Variants in MYBPC2 observed in about 807,000 individuals in gnomAD.
The protein encoded by MYBPC2 is myosin binding protein C2.
In MYBPC2, 122 loss-of-function variants were observed where a neutral mutation model predicts 137.0. The observed-to-expected ratio is 0.89, with a 90% CI of 0.77 to 1.03. MYBPC2 has a LOEUF of 1.03. MYBPC2 is among the 50% of genes least tolerant of loss of function. MYBPC2 has a pLI of 0.00. For missense variants in MYBPC2, 1,500 were observed against 1,534.4 expected (o/e 0.98, Z 0.37); for synonymous variants, 626 against 612.3 (o/e 1.02, Z -0.33).
At chr19:50,461,177 G>A (rs539068978) in intron 24 of MYBPC2, among the ~76,000 whole-genome samples, 2 of 151,026 alleles carry the variant, frequency 1.3e-5, no homozygotes, top group African/African-American at 4.9e-5. Flanking sequence ...CTAATTTTTT[G>A]ATTTTTTTAA....
intron 20 of MYBPC2, among the ~76,000 whole-genome samples, chr19:50,458,063 G>A (rs2039929943): frequency 6.6e-6 from 1 of 151,726 alleles, no homozygotes; most frequent in South Asian, 2.1e-4. Flanking sequence ...TATAATCCCA[G>A]CACTTTGGGA....
chr19:50,454,376 G>A lies in MYBPC2; in HGVS notation c.2014+7G>A. 1 of 1,594,984 alleles carries A rather than the reference G, an allele frequency of 6.3e-7. No homozygotes were observed. The highest frequency in any genetic ancestry group is 8.6e-7 in the Non-Finnish European group (1 of 1,168,374). On this transcript the variant is annotated splice_region_variant and intron_variant, in intron 18 of 27. Coordinates refer to ENST00000357701, the MANE Select transcript of MYBPC2 (RefSeq NM_004533.4). ...GGGGGGAAGCCAGTCACCGGTGAGT[G>A]CCTCTGTCCTCATGACCTCTGACCT...
Position 50,443,885 on chromosome 19 carries a change from A to G in MYBPC2, c.1133+69A>G, listed in dbSNP as rs992784626. 5 of 1,412,638 alleles carry G rather than the reference A, an allele frequency of 3.5e-6. No individual in the cohort carries two copies. The South Asian group carries it at 3.7e-5, about 11-fold the overall frequency. 87.5% of individuals were successfully genotyped at this position (1,412,638 alleles called of 1,614,324 possible). ...TTTCTTTGCCTCTGCCTTGATCTTTATGGGACCTCCTGTGACTTCTCTTGG... is the reference window on the plus strand; with the variant it reads ...TTTCTTTGCCTCTGCCTTGATCTTTGTGGGACCTCCTGTGACTTCTCTTGG... On this transcript the variant is annotated intron_variant, in intron 11 of 27. Coordinates refer to ENST00000357701, the MANE Select transcript of MYBPC2 (RefSeq NM_004533.4).
In MYBPC2 at chr19:50,435,008, G is replaced by C. The variant is rs1008224261; in HGVS notation, c.20-153G>C. Among the ~76,000 whole-genome samples, 3 of 137,962 alleles carry C rather than the reference G, an allele frequency of 2.2e-5. No individual in the cohort carries two copies. Among genetic ancestry groups the C allele is most frequent in the African/African-American group, 1.0e-4 (3 of 29,974 alleles). 90.5% of individuals were successfully genotyped at this position (137,962 alleles called of 152,430 possible). A position where few individuals can be genotyped will look rare whatever the true frequency, so the allele number is the denominator to read the frequency against. ...GGGTCTGAGGGAGGAGGGGCTGGGGGCCTGGACTCCTGGGTCTGAGGGAGG... is the reference window on the plus strand; with the variant it reads ...GGGTCTGAGGGAGGAGGGGCTGGGGCCCTGGACTCCTGGGTCTGAGGGAGG... On this transcript the variant is annotated intron_variant, in intron 1 of 27. Transcript: ENST00000357701. This position sits in a 1 kb window ranked among gnomAD's most constrained non-coding sequence, Gnocchi z 4.8.
At chr19:50,437,902 C>T (rs1321272653) in intron 7 of MYBPC2, among the ~76,000 whole-genome samples, 184 bp downstream of exon 7, 1 of 152,092 alleles carries the variant, frequency 6.6e-6, no homozygotes, top group African/African-American at 2.4e-5. Context: ...GTTCATCCAC[C>T]CACCTACCCA....
rs1244340840 is a variant in MYBPC2, at chr19:50,461,682, G to C, written c.3072G>C (p.Thr1024=). The change falls in exon 25 of 28, where the codon ACG becomes ACC. Residue 1024 remains threonine (T), a synonymous_variant. Coordinates refer to ENST00000357701, the MANE Select transcript of MYBPC2 (RefSeq NM_004533.4). ...ACTCACCTGGTGTCTCCAAGAACAC[G>C]GCCCGCATCCTCAAGACAGGTACAG... The part of the protein sequence containing the change: ...LSDSPGVSKN[T]ARILKTGITF... 4 of 1,611,668 alleles carry C rather than the reference G, an allele frequency of 2.5e-6. No homozygotes were observed. Among genetic ancestry groups the C allele is most frequent in the Non-Finnish European group, 2.5e-6 (3 of 1,179,592 alleles).
chr19:50,442,862 C>T (rs1334956014), intron 9 of MYBPC2, among the ~76,000 whole-genome samples: 1 of 151,904 alleles, frequency 6.6e-6, no homozygotes, highest in African/African-American at 2.4e-5. Flanking sequence ...ACTGCAACCT[C>T]TGCCTCCCAG....
At chr19:50,433,173 C>G (rs1480090233) in intron 1 of MYBPC2, among the ~76,000 whole-genome samples, 1 of 152,062 alleles carries the variant, frequency 6.6e-6, no homozygotes, top group Non-Finnish European at 1.5e-5. Flanking sequence ...AGGGTCCCTT[C>G]CCTTTGTGAC....
chr19:50,435,096 C>A lies in MYBPC2; in HGVS notation c.20-65C>A. The stretch of plus-strand genomic sequence containing the variant: ...AGGGGCTGGGGGGTCTGGACTCCTG[C>A]GTCTGAGGGAGGGGCATGGGTGTGC... On this transcript the variant is annotated intron_variant, in intron 1 of 27. Transcript: ENST00000357701. This position sits in a 1 kb window ranked among gnomAD's most constrained non-coding sequence, Gnocchi z 4.8. The A allele has an allele frequency of 1.4e-6, 1 of 703,234 alleles. No homozygotes were observed. The highest frequency in any genetic ancestry group is 1.5e-5 in the South Asian group (1 of 67,192). The allele number at this position is 703,234 out of a possible 1,614,324, so 43.6% of individuals were successfully genotyped here. A position where few individuals can be genotyped will look rare whatever the true frequency, so the allele number is the denominator to read the frequency against.
intron 7 of MYBPC2, among the ~76,000 whole-genome samples, chr19:50,439,389 C>T (rs999892935): frequency 2.7e-5 from 4 of 145,832 alleles, no homozygotes; most frequent in African/African-American, 1.0e-4. Context: ...TACATCAATT[C>T]AAATATTCAT....
chr19:50,442,077 C>A, intron 8 of MYBPC2, 104 bp from the exon 9 acceptor site: 1 of 1,406,048 alleles, frequency 7.1e-7, no homozygotes, highest in Middle Eastern at 2.1e-4. Context: ...TCACTTTGAC[C>A]TTGGAGAGCC....
At chr19:50,461,876 T>C in intron 25 of MYBPC2, 24 bp from the exon 26 acceptor site, 2 of 1,589,702 alleles carry the variant, frequency 1.3e-6, no homozygotes, top group Non-Finnish European at 1.7e-6. Context: ...TCAGTCGCCT[T>C]ACGGGTGCAT....
In MYBPC2 at chr19:50,461,906, C is replaced by T; in HGVS notation, c.3098C>T (p.Thr1033Ile). The change falls in exon 26 of 28, where the codon ACC (threonine) becomes ATC (isoleucine). Residue 1033 changes from threonine (T) to isoleucine (I), a missense_variant. Thr to Ile is a moderately conservative substitution (Grantham distance 89, BLOSUM62 -1). Coordinates refer to ENST00000357701, the MANE Select transcript of MYBPC2 (RefSeq NM_004533.4). ...GTGCATCCTCTCTCCCCAGGAATCA[C>T]CTTCAAACCGTTCGAGTATAAGGAG... ...NTARILKTGI[T>I]FKPFEYKEHD... The T allele has an allele frequency of 1.3e-6, 2 of 1,597,082 alleles. No individual in the cohort carries two copies. The highest frequency in any genetic ancestry group is 1.7e-6 in the Non-Finnish European group (2 of 1,171,452).
chr19:50,445,777 C>T, intron 11 of MYBPC2, 103 bp from the exon 12 acceptor site: 2 of 1,203,294 alleles, frequency 1.7e-6, no homozygotes, highest in Non-Finnish European at 2.3e-6. Context: ...CTCCGGGGAC[C>T]TGCCTTCTGA....
intron 18 of MYBPC2, among the ~76,000 whole-genome samples, chr19:50,454,694 G>C (rs1001281000): frequency 7.9e-5 from 12 of 151,984 alleles, no homozygotes; most frequent in African/African-American, 2.9e-4. Context: ...CCAAAGTGCT[G>C]GGATTACAGG....
At chr19:50,445,001 A>G (rs2039791473) in intron 11 of MYBPC2, among the ~76,000 whole-genome samples, 1 of 152,096 alleles carries the variant, frequency 6.6e-6, no homozygotes, top group Non-Finnish European at 1.5e-5. Context: ...TGTAGGAGAA[A>G]GAGATAGGCA....
intron 20 of MYBPC2, among the ~76,000 whole-genome samples, chr19:50,455,993 C>T (rs1199405466): frequency 6.6e-6 from 1 of 152,180 alleles, no homozygotes; most frequent in African/African-American, 2.4e-5. Context: ...AACATCCACC[C>T]ATCCATCCAT....
Position 50,441,121 on chromosome 19 carries a change from C to A in MYBPC2, c.769+45C>A, listed in dbSNP as rs761545697. 6 of 1,501,460 alleles carry A rather than the reference C, an allele frequency of 4.0e-6. No homozygotes were observed. In the Admixed American group the frequency reaches 1.4e-4, roughly 35 times the overall value. 93.0% of individuals were successfully genotyped at this position (1,501,460 alleles called of 1,614,324 possible). On this transcript the variant is annotated intron_variant, in intron 8 of 27. Coordinates refer to ENST00000357701, the MANE Select transcript of MYBPC2 (RefSeq NM_004533.4). The stretch of plus-strand genomic sequence containing the variant: ...GAGCTGGGCCCTGCACACAAGGGAC[C>A]CCTAGCCTTGTGGGTGTCTAATGAT...
At chr19:50,445,558 AATTTTTT>A (rs1302673534) in intron 11 of MYBPC2, among the ~76,000 whole-genome samples, 1 of 151,572 alleles carries the variant, frequency 6.6e-6, no homozygotes, top group Admixed American at 6.6e-5. Context: ...ACACCTGCCT[AATTTTTT>A]ATTTTTTATT....
Sources: allele counts gnomAD v4.1 joint callset (sites outside exome capture counted in the v4.1 genomes callset), GRCh38; gene constraint gnomAD v4.1.1; non-coding constraint Gnocchi (gnomAD v3.1); transcripts MANE v1.5; gene names NCBI Gene and HGNC (gene_info 2026-07-23, HGNC 2026-07-21).